WWP1: variants seen among roughly 807,000 people sequenced by gnomAD.
The protein encoded by WWP1 is NEDD4-like E3 ubiquitin-protein ligase WWP1.
WWP1 carries 49 observed loss-of-function variants against 130.6 expected under a neutral mutation model. The ratio of observed to expected loss-of-function variants is 0.38; its 90% confidence interval spans 0.30 to 0.48. The LOEUF is 0.48. Ranked by LOEUF, WWP1 falls within the 20% of genes least tolerant of loss-of-function variation. The pLI, the probability that WWP1 is intolerant of heterozygous loss-of-function variation, is 0.99. For synonymous variants in WWP1, 332 were observed against 367.8 expected (o/e 0.90, Z 1.11); for missense variants, 809 against 1,100.6 (o/e 0.74, Z 3.75).
At chr8:86,366,150 A>G (rs1563469332) in intron 1 of WWP1, among the ~76,000 whole-genome samples, 1 of 152,232 alleles carries the variant, frequency 6.6e-6, no homozygotes, top group Admixed American at 6.5e-5. Context: ...AAGCAGACCA[A>G]TTCTAAGGGA....
intron 14 of WWP1, among the ~76,000 whole-genome samples, chr8:86,432,906 C>T (rs749686620): frequency 9.9e-5 from 15 of 152,218 alleles, no homozygotes; most frequent in Non-Finnish European, 4.4e-5. Flanking sequence ...TCACACCCAG[C>T]CCACAGTTCA....
chr8:86,350,626 T>A (rs1264646402), intron 1 of WWP1, among the ~76,000 whole-genome samples: 1 of 152,196 alleles, frequency 6.6e-6, no homozygotes, highest in Admixed American at 6.5e-5. Flanking sequence ...ATGAAGGTGC[T>A]TCTTGATGGC....
At chr8:86,421,275 A>T (rs1809185441) in intron 9 of WWP1, among the ~76,000 whole-genome samples, 1 of 152,142 alleles carries the variant, frequency 6.6e-6, no homozygotes, top group African/African-American at 2.4e-5. Context: ...GTCAGTTCTG[A>T]ACTTGGGAAT....
chr8:86,442,843 A>T (rs1171771025), intron 18 of WWP1, 65 bp downstream of exon 18: 81 of 489,632 alleles, frequency 1.7e-4, no homozygotes, highest in Non-Finnish European at 1.7e-4. Context: ...AAGGCTTTTA[A>T]AAAAAAAAAA....
At chr8:86,449,990 C>T (rs1270907958) in intron 20 of WWP1, among the ~76,000 whole-genome samples, 1 of 152,168 alleles carries the variant, frequency 6.6e-6, no homozygotes, top group Non-Finnish European at 1.5e-5. Context: ...CAGAAAACTT[C>T]CTTAAGCATG....
Position 86,374,079 on chromosome 8 carries a change from C to G in WWP1, c.29C>G (p.Thr10Ser). The G allele has an allele frequency of 6.2e-7, 1 of 1,610,066 alleles. No individual in the cohort carries two copies. Among genetic ancestry groups the G allele is most frequent in the Non-Finnish European group, 8.5e-7 (1 of 1,178,610 alleles). The change falls in exon 3 of 25, where the codon ACT becomes AGT. Residue 10 changes from threonine to serine, a missense_variant. Physicochemically the swap from Thr to Ser is moderately conservative, Grantham distance 58. Transcript: ENST00000517970. ...GCCACTGCTTCACCAAGGTCTGATA[C>G]TAGTAATAACCACAGTGGAAGGTTG... MATASPRSD[T>S]SNNHSGRLQL... is the part of the protein sequence containing the mutation.
At chr8:86,442,908 T>C (rs970182651) in intron 18 of WWP1, 130 bp downstream of exon 18, 75 of 924,612 alleles carry the variant, frequency 8.1e-5, no homozygotes, top group Non-Finnish European at 1.1e-4. Context: ...AAAGTTTCCC[T>C]GGAGAGTGTA....
Position 86,448,481 on chromosome 8 carries a change from G to A in WWP1, c.2241G>A (p.Leu747=). The A allele has an allele frequency of 6.2e-7, 1 of 1,613,584 alleles. No individual in the cohort carries two copies. Among genetic ancestry groups the A allele is most frequent in the Non-Finnish European group, 8.5e-7 (1 of 1,179,834 alleles). ...HDLKLGGSNI[L]VTEENKDEYI... is the part of the protein sequence containing the mutation. ...TGAAGTTGGGAGGTTCCAATATTCTGGTGACTGAGGAGAACAAAGATGAAT... is the reference window on the plus strand; with the variant it reads ...TGAAGTTGGGAGGTTCCAATATTCTAGTGACTGAGGAGAACAAAGATGAAT... Residue 747 remains leucine, a synonymous_variant, in exon 20 of 25, where the codon CTG becomes CTA. Coordinates refer to ENST00000517970, the MANE Select transcript of WWP1 (RefSeq NM_007013.4).
chr8:86,386,287 C>T (rs967534222), intron 5 of WWP1, among the ~76,000 whole-genome samples: 2 of 152,032 alleles, frequency 1.3e-5, no homozygotes, highest in African/African-American at 4.8e-5. Flanking sequence ...AAAATTATAT[C>T]TAAGGTAGCT....
At chr8:86,426,414 T>A (rs1216970126) in intron 10 of WWP1, among the ~76,000 whole-genome samples, 2 of 152,222 alleles carry the variant, frequency 1.3e-5, no homozygotes, top group Non-Finnish European at 2.9e-5. Context: ...AATCATTTTA[T>A]AAATTAATGA....
chr8:86,458,105 T>C, intron 22 of WWP1, 80 bp downstream of exon 22: 1 of 1,178,090 alleles, frequency 8.5e-7, no homozygotes, highest in Non-Finnish European at 1.2e-6. Context: ...TAGCTTATTA[T>C]TTTTAATTGA....
intron 14 of WWP1, among the ~76,000 whole-genome samples, chr8:86,434,458 T>C (rs958162040): frequency 6.6e-6 from 1 of 152,216 alleles, no homozygotes; most frequent in African/African-American, 2.4e-5. Context: ...ATATGGCTTT[T>C]GCCCTCTCCT....
chr8:86,454,595 C>T (rs544055832), intron 21 of WWP1, among the ~76,000 whole-genome samples: 1 of 152,192 alleles, frequency 6.6e-6, no homozygotes, highest in Admixed American at 6.5e-5. Context: ...ATCTTGCATC[C>T]TCTAAATTCA....
intron 9 of WWP1, among the ~76,000 whole-genome samples, chr8:86,421,398 G>A (rs980002379): frequency 6.6e-6 from 1 of 152,178 alleles, no homozygotes. Flanking sequence ...GTGTTTATGG[G>A]TGCAAACTAG....
Position 86,430,605 on chromosome 8 carries a change from A to C in WWP1, c.1333-92A>C, listed in dbSNP as rs1222850384. 3 of 1,071,334 alleles carry C rather than the reference A, an allele frequency of 2.8e-6. No individual in the cohort carries two copies. The South Asian group carries it at 5.3e-5, about 19-fold the overall frequency. 66.4% of individuals were successfully genotyped at this position (1,071,334 alleles called of 1,614,324 possible). A position where few individuals can be genotyped will look rare whatever the true frequency, so the allele number is the denominator to read the frequency against. ...TATCATATTTTTAGAAAATTATTAT[A>C]AAATGTGATTCTGCCACATGCTTGG... On this transcript the variant is annotated intron_variant, in intron 11 of 24. Transcript: ENST00000517970.
chr8:86,397,869 G>T (rs547880368), intron 5 of WWP1, among the ~76,000 whole-genome samples: 6 of 152,112 alleles, frequency 3.9e-5, no homozygotes, highest in Non-Finnish European at 8.8e-5. Context: ...TTTTGCATTT[G>T]GTCCTCAACA....
chr8:86,453,335 A>G (rs1317654227), intron 21 of WWP1, among the ~76,000 whole-genome samples: 18 of 152,114 alleles, frequency 1.2e-4, no homozygotes, highest in Non-Finnish European at 2.6e-4. Flanking sequence ...AATATCCTCA[A>G]GGTTCATTCG....
intron 5 of WWP1, among the ~76,000 whole-genome samples, chr8:86,382,539 A>C (rs1825040526): frequency 6.6e-6 from 1 of 152,188 alleles, no homozygotes; most frequent in Admixed American, 6.5e-5. Flanking sequence ...CCTCTACTAA[A>C]AGTACAAAAA....
intron 11 of WWP1, among the ~76,000 whole-genome samples, chr8:86,430,439 T>A (rs1809874054): frequency 6.6e-6 from 1 of 151,912 alleles, no homozygotes; most frequent in South Asian, 2.1e-4. Flanking sequence ...TGCCAACACA[T>A]CTGGCTAATT....
Sources: gnomAD v4.1 joint callset for allele counts (sites outside exome capture counted in the v4.1 genomes callset) on GRCh38, gnomAD v4.1.1 for gene constraint, MANE v1.5 for transcripts, NCBI Gene and HGNC (gene_info 2026-07-23, HGNC 2026-07-21) for gene names.